GRIA1: variants seen among roughly 807,000 people sequenced by gnomAD.
GRIA1 encodes the protein glutamate receptor 1.
Under a neutral mutation model 99.2 loss-of-function variants are expected in GRIA1, and 31 were observed. The observed-to-expected ratio is 0.31, with a 90% CI of 0.23 to 0.42. GRIA1 has a LOEUF of 0.42. GRIA1 is among the 10% of genes least tolerant of loss of function. GRIA1 has a pLI of 1.00. For synonymous variants in GRIA1, 438 were observed against 432.4 expected, an observed-to-expected ratio of 1.01 and a Z score of -0.16; for missense variants, 782 against 1,157.5, an observed-to-expected ratio of 0.68 and a Z score of 4.71.
chr5:153,707,081 T>C (rs543104740), intron 11 of GRIA1, among the ~76,000 whole-genome samples: 2 of 152,048 alleles, frequency 1.3e-5, no homozygotes, highest in Non-Finnish European at 2.9e-5. Context: ...ATCATGCCAC[T>C]GCACTCCAGC....
At chr5:153,712,997 A>G (rs1759425173) in intron 11 of GRIA1, among the ~76,000 whole-genome samples, 2 of 152,210 alleles carry the variant, frequency 1.3e-5, no homozygotes, top group African/African-American at 2.4e-5. Flanking sequence ...AAGTCATTGA[A>G]CTAGGGTGCT....
At chr5:153,542,282 T>C (rs1205323181) in intron 2 of GRIA1, among the ~76,000 whole-genome samples, 2 of 152,186 alleles carry the variant, frequency 1.3e-5, no homozygotes, top group African/African-American at 4.8e-5. Context: ...GTCAAACTTC[T>C]ATGCCTCCCC....
intron 2 of GRIA1, among the ~76,000 whole-genome samples, chr5:153,570,394 T>G (rs907969348): frequency 6.6e-6 from 1 of 152,234 alleles, no homozygotes; most frequent in African/African-American, 2.4e-5. Flanking sequence ...CAAACAGTGT[T>G]GCTCAGCCAC....
intron 13 of GRIA1, among the ~76,000 whole-genome samples, chr5:153,791,081 G>T (rs1765264887): frequency 6.6e-6 from 1 of 151,998 alleles, no homozygotes; most frequent in South Asian, 2.1e-4. Flanking sequence ...CAGTTTTCCA[G>T]AACCAGAATC....
At chr5:153,541,408 GC>G (rs1759078753) in intron 2 of GRIA1, among the ~76,000 whole-genome samples, 1 of 152,144 alleles carries the variant, frequency 6.6e-6, no homozygotes, top group East Asian at 1.9e-4. Flanking sequence ...CATGCTAGGA[GC>G]TTCATATATC....
rs1260185573 is a variant in GRIA1 at position 153,606,002 on chromosome 5, T to C, written c.221-40926T>C. On this transcript the variant is annotated intron_variant, in intron 2 of 15. Transcript: ENST00000285900. ...TCCTTATGGATGGTTTTATATTTTGTTTAGGAAAACTTTTCCTACCCTGAG... is the reference window on the plus strand; with the variant it reads ...TCCTTATGGATGGTTTTATATTTTGCTTAGGAAAACTTTTCCTACCCTGAG... 4.1e-4 allele frequency among the ~76,000 whole-genome samples: 63 copies of C among 152,172 alleles called. 1 individual carries two copies. The highest frequency in any genetic ancestry group is 4.1e-3 in the Admixed American group (63 of 15,282).
At chr5:153,808,390 C>T (rs896834889) in intron 15 of GRIA1, among the ~76,000 whole-genome samples, 17 of 150,450 alleles carry the variant, frequency 1.1e-4, no homozygotes, top group African/African-American at 2.9e-4. Flanking sequence ...CGACGGGGGG[C>T]GGGGAGTGGG....
chr5:153,538,988 A>G (rs1248636223), intron 2 of GRIA1, among the ~76,000 whole-genome samples: 1 of 152,130 alleles, frequency 6.6e-6, no homozygotes, highest in Non-Finnish European at 1.5e-5. Context: ...TTTTCTGTCA[A>G]TATCTTCCTT....
chr5:153,779,721 C>T (rs1764508136), intron 13 of GRIA1, among the ~76,000 whole-genome samples: 1 of 152,136 alleles, frequency 6.6e-6, no homozygotes, highest in African/African-American at 2.4e-5. Flanking sequence ...CACTACCACA[C>T]CAAGCTAATT....
In GRIA1 at chr5:153,698,984, C is replaced by T. The variant is rs1758314758; in HGVS notation, c.1363C>T (p.Arg455Cys). ...EIAKHVGYSY[R>C]LEIVSDGKYG... Reference sequence around the variant, plus strand: ...TGCCAAGCACGTGGGCTACTCCTACCGTCTGGAGATTGTCAGTGATGGAAA... The same window carrying T: ...TGCCAAGCACGTGGGCTACTCCTACTGTCTGGAGATTGTCAGTGATGGAAA... The change falls in exon 10 of 16, where the codon CGT (arginine) becomes TGT (cysteine). Residue 455 changes from arginine to cysteine, a missense_variant. Transcript: ENST00000285900. The T allele has an allele frequency of 1.2e-6, 2 of 1,613,830 alleles. No individual in the cohort carries two copies. The highest frequency in any genetic ancestry group is 1.1e-5 in the South Asian group (1 of 91,074).
chr5:153,694,312 A>T (rs1757952080), intron 8 of GRIA1, among the ~76,000 whole-genome samples: 1 of 152,140 alleles, frequency 6.6e-6, no homozygotes, highest in African/African-American at 2.4e-5. Context: ...CGGCAGTTTT[A>T]TAATTTTTAA....
chr5:153,659,855 T>G (rs1045616689), intron 5 of GRIA1, among the ~76,000 whole-genome samples: 28 of 152,330 alleles, frequency 1.8e-4, no homozygotes, highest in African/African-American at 5.8e-4. Context: ...AAATATTGAA[T>G]TTGTTGGACA....
At chr5:153,658,195 GAA>G (rs1433733557) in intron 5 of GRIA1, among the ~76,000 whole-genome samples, 1 of 152,142 alleles carries the variant, frequency 6.6e-6, no homozygotes, top group East Asian at 1.9e-4. Context: ...TGCTGCTTAA[GAA>G]TACACAGAAC....
intron 2 of GRIA1, among the ~76,000 whole-genome samples, chr5:153,498,634 A>G (rs559595928): frequency 2.0e-5 from 3 of 152,316 alleles, no homozygotes; most frequent in East Asian, 3.9e-4. Context: ...TTGCCTGAAC[A>G]TGGCTCATCA....
At chr5:153,795,622 C>G (rs1249603161) in intron 14 of GRIA1, 1 of 1,284,072 alleles carries the variant, frequency 7.8e-7, no homozygotes, top group Non-Finnish European at 1.1e-6. Context: ...TCACGCACAC[C>G]TGTAACAAAA....
intron 2 of GRIA1, among the ~76,000 whole-genome samples, chr5:153,579,726 A>G (rs1156433282): frequency 2.6e-5 from 4 of 152,118 alleles, no homozygotes; most frequent in Non-Finnish European, 5.9e-5. Context: ...GAGTATTCCA[A>G]TTGGAGAAAT....
At chr5:153,521,547 G>A (rs1049079064) in intron 2 of GRIA1, among the ~76,000 whole-genome samples, 1 of 152,320 alleles carries the variant, frequency 6.6e-6, no homozygotes, top group Middle Eastern at 3.4e-3. Context: ...CAGTCTTGCT[G>A]CCTTCCCTTG....
chr5:153,533,637 C>T (rs922692957), intron 2 of GRIA1, among the ~76,000 whole-genome samples: 7 of 152,172 alleles, frequency 4.6e-5, no homozygotes, highest in African/African-American at 1.7e-4. Flanking sequence ...GGTTCCTAGG[C>T]TGGTGAATTT....
intron 2 of GRIA1, among the ~76,000 whole-genome samples, chr5:153,579,736 T>C (rs1166020153): frequency 6.6e-6 from 1 of 152,098 alleles, no homozygotes; most frequent in Non-Finnish European, 1.5e-5. Flanking sequence ...ATTGGAGAAA[T>C]GGCCATGAAG....
Sources: gnomAD v4.1 joint callset for allele counts (sites outside exome capture counted in the v4.1 genomes callset) on GRCh38, gnomAD v4.1.1 for gene constraint, MANE v1.5 for transcripts, NCBI Gene and HGNC (gene_info 2026-07-23, HGNC 2026-07-21) for gene names.